The following ADAM22 variants were observed in gnomAD, a reference collection of about 807,000 sequenced individuals.
ADAM22 encodes the protein ADAM metallopeptidase domain 22.
In ADAM22, 65 loss-of-function variants were observed where a neutral mutation model predicts 144.6. The ratio of observed to expected loss-of-function variants is 0.45; its 90% CI spans 0.37 to 0.55. The LOEUF (loss-of-function observed/expected upper bound fraction) is 0.55. Ranked by LOEUF, ADAM22 falls within the 20% of genes least tolerant of loss-of-function variation. The probability of loss-of-function intolerance (pLI) is 0.00; values close to 1 mark genes in which losing one functional copy is unlikely to be tolerated. For synonymous variants in ADAM22, 391 were observed against 412.6 expected, an observed-to-expected ratio of 0.95 and a Z score of 0.63; for missense variants, 974 against 1,184.9, an observed-to-expected ratio of 0.82 and a Z score of 2.61.
intron 3 of ADAM22, among the ~76,000 whole-genome samples, chr7:88,045,646 T>G (rs1357579446): frequency 6.6e-6 from 1 of 152,170 alleles, no homozygotes; most frequent in Non-Finnish European, 1.5e-5. Flanking sequence ...CCAGTATAAT[T>G]GGACTTTTGT....
intron 7 of ADAM22, among the ~76,000 whole-genome samples, chr7:88,120,250 C>T (rs1334593704): frequency 2.0e-5 from 3 of 151,960 alleles, no homozygotes; most frequent in African/African-American, 2.4e-5. Flanking sequence ...CATATGTATA[C>T]ATGTGCCATG....
chr7:88,021,918 G>T (rs554838385), intron 3 of ADAM22, among the ~76,000 whole-genome samples: 2 of 151,772 alleles, frequency 1.3e-5, no homozygotes, highest in South Asian at 2.1e-4. Flanking sequence ...TGTCGCTCAG[G>T]CTGGGGTGCA....
chr7:88,046,875 T>C (rs930580087), intron 3 of ADAM22, among the ~76,000 whole-genome samples: 5 of 151,658 alleles, frequency 3.3e-5, no homozygotes, highest in Non-Finnish European at 7.3e-5. Context: ...GCCACTTTGT[T>C]GATACAATAT....
rs573507032 is a variant in ADAM22, at chr7:87,981,588, A to G, written c.323+3176A>G. Among the ~76,000 whole-genome samples, 6 of 152,226 alleles carry G rather than the reference A, an allele frequency of 3.9e-5. No individual in the cohort carries two copies. In the South Asian group the frequency reaches 1.2e-3, roughly 32 times the overall value. On this transcript the variant is annotated intron_variant, in intron 3 of 31. Coordinates refer to ENST00000413139, the MANE Select transcript of ADAM22 (RefSeq NM_001324418.2). ...GAGAGAAGCAGAAGCAGGGTTAGAC[A>G]AGGAACACCCAAATTCTGTTTAAAA...
intron 26 of ADAM22, among the ~76,000 whole-genome samples, chr7:88,177,491 G>A (rs1845966482): frequency 6.6e-6 from 1 of 152,032 alleles, no homozygotes; most frequent in Non-Finnish European, 1.5e-5. Flanking sequence ...AAATATTTTG[G>A]AGGAATCATA....
intron 4 of ADAM22, among the ~76,000 whole-genome samples, chr7:88,103,173 C>A (rs1823418253): frequency 1.3e-5 from 2 of 152,110 alleles, no homozygotes; most frequent in Non-Finnish European, 2.9e-5. Flanking sequence ...CATTTTAGAG[C>A]TGTCAAAGTC....
rs748872214 is a variant in ADAM22 at position 88,193,138 on chromosome 7, CCTT to C, written c.2778_2780del (p.Ser928del). 1 of 1,614,062 alleles carries C rather than the reference CCTT, an allele frequency of 6.2e-7. No individual in the cohort carries two copies. On this transcript the variant is annotated inframe_deletion, in exon 31 of 32. Transcript: ENST00000413139. ...CAGGACTTTATCTCCTGCCAAGTCT[CCTT>C]CTTCATCAACTGGGTCTATTGCCTC...
At chr7:88,065,316 A>G (rs1264999534) in intron 3 of ADAM22, among the ~76,000 whole-genome samples, 1 of 152,064 alleles carries the variant, frequency 6.6e-6, no homozygotes, top group Non-Finnish European at 1.5e-5. Flanking sequence ...TGTTGACTTC[A>G]TTATTTTCCA....
At chr7:88,037,373 C>T (rs17254173) in intron 3 of ADAM22, among the ~76,000 whole-genome samples, 2,197 of 152,006 alleles carry the variant, frequency 0.014, 24 homozygotes, top group Admixed American at 0.02. Flanking sequence ...CTTATGCGTT[C>T]TACAAAATTA....
chr7:88,040,547 A>G (rs531602192), intron 3 of ADAM22, among the ~76,000 whole-genome samples: 2 of 152,088 alleles, frequency 1.3e-5, no homozygotes, highest in Non-Finnish European at 2.9e-5. Context: ...AGTTTATTAA[A>G]TATCTGTTGC....
intron 2 of ADAM22, among the ~76,000 whole-genome samples, chr7:87,940,468 A>C (rs1343465570): frequency 6.6e-6 from 1 of 152,154 alleles, no homozygotes; most frequent in Non-Finnish European, 1.5e-5. Context: ...GGGACAGAAA[A>C]ATTTTAGAAG....
At chr7:88,032,936 C>T (rs1202082507) in intron 3 of ADAM22, among the ~76,000 whole-genome samples, 1 of 152,180 alleles carries the variant, frequency 6.6e-6, no homozygotes, top group Non-Finnish European at 1.5e-5. Context: ...GAGGCCTTCC[C>T]AGAAGTAGAA....
At chr7:88,104,938 G>T (rs1823955649) in intron 4 of ADAM22, among the ~76,000 whole-genome samples, 1 of 151,574 alleles carries the variant, frequency 6.6e-6, no homozygotes, top group African/African-American at 2.4e-5. Context: ...TGCTATTTTT[G>T]GCTTGACTCC....
At chr7:88,167,171 G>A (rs1289604197) in intron 24 of ADAM22, among the ~76,000 whole-genome samples, 1 of 152,128 alleles carries the variant, frequency 6.6e-6, no homozygotes, top group Non-Finnish European at 1.5e-5. Flanking sequence ...GATGCCTCAG[G>A]AGTGGAGCAG....
At chr7:88,167,409 A>G (rs1843200349) in intron 24 of ADAM22, among the ~76,000 whole-genome samples, 1 of 152,074 alleles carries the variant, frequency 6.6e-6, no homozygotes, top group South Asian at 2.1e-4. Context: ...CTGACAATGG[A>G]TACTGGCACA....
At chr7:87,966,376 G>A (rs924605385) in intron 2 of ADAM22, among the ~76,000 whole-genome samples, 1 of 152,152 alleles carries the variant, frequency 6.6e-6, no homozygotes, top group African/African-American at 2.4e-5. Context: ...TGACTTTCAG[G>A]ATTATGTGAG....
At position 88,004,625 on chromosome 7, in the gene ADAM22, G is replaced by T. The variant is rs535505801; in HGVS notation, c.323+26213G>T. ...CCCCTGGAATATGTGCTAGAACTGA[G>T]ATTCAGAAAGAGACAGTTTGAGGCC... On this transcript the variant is annotated intron_variant, in intron 3 of 31. Transcript: ENST00000413139. 1.2e-4 allele frequency among the ~76,000 whole-genome samples: 19 copies of T among 152,296 alleles called. No individual in the cohort carries two copies. The South Asian group carries it at 3.9e-3, about 32-fold the overall frequency.
chr7:88,027,177 T>C (rs1799196705), intron 3 of ADAM22, among the ~76,000 whole-genome samples: 2 of 152,198 alleles, frequency 1.3e-5, no homozygotes, highest in South Asian at 4.2e-4. Flanking sequence ...TCAGGGACGT[T>C]GGCCTGTATT....
intron 3 of ADAM22, among the ~76,000 whole-genome samples, chr7:88,027,113 A>G (rs530425795): frequency 7.0e-4 from 106 of 152,152 alleles, no homozygotes; most frequent in Middle Eastern, 6.8e-3. Context: ...TTTTTAATGT[A>G]TTGTTGAATT....
Sources: allele counts gnomAD v4.1 joint callset (sites outside exome capture counted in the v4.1 genomes callset), GRCh38; gene constraint gnomAD v4.1.1; transcripts MANE v1.5; gene names NCBI Gene and HGNC (gene_info 2026-07-23, HGNC 2026-07-21).